The following HDAC5 variants were observed in gnomAD, a reference collection of about 807,000 sequenced individuals.
HDAC5 encodes the protein antigen NY-CO-9.
In HDAC5, 25 loss-of-function variants were observed where a neutral mutation model predicts 133.3. That is an observed-to-expected ratio of 0.19 (90% CI 0.14 to 0.26). The LOEUF (loss-of-function observed/expected upper bound fraction) is 0.26, where lower values mean the gene tolerates loss of function less well. Ranked by LOEUF, HDAC5 falls within the 10% of genes least tolerant of loss-of-function variation. HDAC5 has a pLI of 1.00. For synonymous variants in HDAC5, 589 were observed against 610.8 expected (o/e 0.96, Z 0.53); for missense variants, 1,041 against 1,460.5 (o/e 0.71, Z 4.68).
chr17:44,097,463 G>A (rs1035755228), intron 3 of HDAC5, among the ~76,000 whole-genome samples: 11 of 149,918 alleles, frequency 7.3e-5, no homozygotes, highest in Admixed American at 2.0e-4. Flanking sequence ...TCCTGCCCCA[G>A]CACCAGGAGA....
At chr17:44,093,976 T>A in intron 3 of HDAC5, 142 bp from the exon 4 acceptor site, 2 of 1,095,620 alleles carry the variant, frequency 1.8e-6, no homozygotes, top group Non-Finnish European at 2.4e-6. Flanking sequence ...CTCTGCTCCA[T>A]GGATGCAACA....
intron 11 of HDAC5, among the ~76,000 whole-genome samples, chr17:44,088,852 G>A (rs1170113682): frequency 6.6e-6 from 1 of 151,986 alleles, no homozygotes; most frequent in Non-Finnish European, 1.5e-5. Flanking sequence ...TTTTCCCTTC[G>A]ATTTCCTTAA....
In HDAC5 at chr17:44,091,839, G is replaced by A. The variant is rs773286792; in HGVS notation, c.1033-8C>T. On this transcript the variant is annotated splice_polypyrimidine_tract_variant and splice_region_variant and intron_variant, in intron 9 of 26. Transcript: ENST00000682912. Reference sequence around the variant, plus strand: ...TCGGTGCTGAGGGAGCATCTGGGGAGCAGTCAGAAGAGACAGGCATGAGAG... The same window carrying A: ...TCGGTGCTGAGGGAGCATCTGGGGAACAGTCAGAAGAGACAGGCATGAGAG... The A allele has an allele frequency of 6.5e-7, 1 of 1,542,414 alleles. No homozygotes were observed. The highest frequency in any genetic ancestry group is 8.7e-7 in the Non-Finnish European group (1 of 1,146,758).
At chr17:44,109,054 C>T (rs228765) in intron 3 of HDAC5, among the ~76,000 whole-genome samples, 100,243 of 151,928 alleles carry the variant, frequency 0.66, 34,648 homozygotes, top group South Asian at 0.88. Flanking sequence ...AGGGTCCCAG[C>T]CTGCAAGGTT....
chr17:44,086,803 GTCA>G, intron 13 of HDAC5, 66 bp from the exon 14 acceptor site: 1 of 1,212,202 alleles, frequency 8.2e-7, no homozygotes, highest in Non-Finnish European at 1.0e-6. Flanking sequence ...GGCAGGCCCT[GTCA>G]GGGCCTCCAG....
intron 17 of HDAC5, 35 bp downstream of exon 17, chr17:44,083,770 G>GCC: frequency 7.1e-7 from 1 of 1,417,202 alleles, no homozygotes; most frequent in Non-Finnish European, 1.0e-6. Flanking sequence ...TAGGAGAGCC[G>GCC]CCCGCCCACC....
chr17:44,087,923 A>T (rs2050747449), intron 12 of HDAC5, among the ~76,000 whole-genome samples: 1 of 151,710 alleles, frequency 6.6e-6, no homozygotes, highest in Non-Finnish European at 1.5e-5. Flanking sequence ...GGCTCACTGC[A>T]ACCTCCGCCT....
At chr17:44,080,949 G>C in intron 20 of HDAC5, 67 bp from the exon 21 acceptor site, 2 of 1,603,842 alleles carry the variant, frequency 1.2e-6, no homozygotes, top group Admixed American at 3.3e-5. Context: ...AATTCCACCT[G>C]TCAGCTGAGC....
chr17:44,111,082 G>A (rs763735159), intron 2 of HDAC5: 7 of 481,954 alleles, frequency 1.5e-5, no homozygotes, highest in Middle Eastern at 3.2e-4. Flanking sequence ...AGGGGCATCC[G>A]ACCACCAGCC....
At position 44,088,306 on chromosome 17, in the gene HDAC5, G is replaced by A. The variant is rs566284849; in HGVS notation, c.1599+81C>T. The A allele has an allele frequency of 1.2e-5, 18 of 1,496,320 alleles. No homozygotes were observed. In the African/African-American group the frequency reaches 1.7e-4, roughly 14 times the overall value. The allele number at this position is 1,496,320 out of a possible 1,614,324, so 92.7% of individuals were successfully genotyped here. A position where few individuals can be genotyped will look rare whatever the true frequency, so the allele number is the denominator to read the frequency against. On this transcript the variant is annotated intron_variant, in intron 12 of 26. Transcript: ENST00000682912. ...GCGAGCCACCGTGTCTGGCCTGAAA[G>A]GAGGACTTTTCTGCCAGCCTGGTAC...
rs778150307 is a variant in HDAC5 at position 44,078,545 on chromosome 17, C to T, written c.3284G>A (p.Gly1095Glu). The T allele has an allele frequency of 1.2e-6, 2 of 1,612,218 alleles. No individual in the cohort carries two copies. Among genetic ancestry groups the T allele is most frequent in the Non-Finnish European group, 8.5e-7 (1 of 1,179,822 alleles). ...TVSAMALLSV[G>E]AEQAQAAAAR... is the part of the protein sequence containing the mutation. ...TGCCGCAGCCTGGGCCTGCTCGGCCCCCACCGACAGCAAGGCCATGGCGCT... is the reference window on the plus strand; with the variant it reads ...TGCCGCAGCCTGGGCCTGCTCGGCCTCCACCGACAGCAAGGCCATGGCGCT... The change falls in exon 26 of 27, where the codon GGG becomes GAG. Residue 1095 changes from glycine (G) to glutamate (E), a missense_variant. Transcript: ENST00000682912.
In HDAC5 at chr17:44,117,690, C is replaced by T. The variant is rs2052733380; in HGVS notation, c.-175G>A. ...TCCTTCGGGGCGAGGCAGTCAGGCACTCAGAACGGCATCCCTGGGGAGAGA... is the reference window on the plus strand; with the variant it reads ...TCCTTCGGGGCGAGGCAGTCAGGCATTCAGAACGGCATCCCTGGGGAGAGA... On this transcript the variant is annotated 5_prime_UTR_variant, in exon 2 of 27. It adds an upstream start codon to the 5' untranslated region. Transcript: ENST00000682912. This position sits in a 1 kb window ranked among gnomAD's most constrained non-coding sequence, Gnocchi z 4.2. 1.5e-6 allele frequency: 1 copy of T among 673,942 alleles called. No individual in the cohort carries two copies. Among genetic ancestry groups the T allele is most frequent in the Admixed American group, 2.2e-5 (1 of 45,976 alleles). 41.7% of individuals were successfully genotyped at this position (673,942 alleles called of 1,614,324 possible).
chr17:44,087,092 C>T (rs2050695986), intron 13 of HDAC5, among the ~76,000 whole-genome samples: 1 of 151,390 alleles, frequency 6.6e-6, no homozygotes, highest in African/African-American at 2.4e-5. Flanking sequence ...ACAGCGGGGG[C>T]GTGTGTGTAC....
In HDAC5 at chr17:44,079,190, A is replaced by G; in HGVS notation, c.3032T>C (p.Ile1011Thr). 6.2e-7 allele frequency: 1 copy of G among 1,612,970 alleles called. No homozygotes were observed. The highest frequency in any genetic ancestry group is 8.5e-7 in the Non-Finnish European group (1 of 1,179,070). The change falls in exon 24 of 27, where the codon ATC (isoleucine) becomes ACC (threonine). Residue 1011 changes from isoleucine to threonine, a missense_variant. By Grantham distance (89) the Ile-to-Thr change is moderately conservative. This residue lies in a region of HDAC5 where 174 missense variants were observed against 352.7 expected (regional missense o/e 0.49). Coordinates refer to ENST00000682912, the MANE Select transcript of HDAC5 (RefSeq NM_005474.5). The stretch of plus-strand genomic sequence containing the variant: ...GACACAAGCCTCAGAGGCATCACAG[A>G]TGGCGGTCAAGTCATGGCCTCCCTC... Reference protein sequence around the residue: ...ALEGGHDLTAICDASEACVSA... With the variant: ...ALEGGHDLTATCDASEACVSA...
intron 3 of HDAC5, among the ~76,000 whole-genome samples, chr17:44,094,767 TACAC>T (rs888637064): frequency 6.6e-6 from 1 of 151,776 alleles, no homozygotes; most frequent in Non-Finnish European, 1.5e-5. Context: ...TATATATATA[TACAC>T]ACACACATAC....
chr17:44,097,144 G>C (rs763808767), intron 3 of HDAC5, among the ~76,000 whole-genome samples: 3 of 152,264 alleles, frequency 2.0e-5, no homozygotes, highest in Admixed American at 6.5e-5. Context: ...GCACTGAATG[G>C]GTGTCACCAA....
At position 44,083,573 on chromosome 17, in the gene HDAC5, G is replaced by A. The variant is rs1308573777; in HGVS notation, c.2435C>T (p.Ala812Val). 1 of 1,613,908 alleles carries A rather than the reference G, an allele frequency of 6.2e-7. No individual in the cohort carries two copies. Among genetic ancestry groups the A allele is most frequent in the South Asian group, 1.1e-5 (1 of 91,032 alleles). The change falls in exon 18 of 27, where the codon GCC becomes GTC. Residue 812 changes from alanine to valine, a missense_variant. Physicochemically the swap from Ala to Val is moderately conservative, Grantham distance 64. This residue lies in a region of HDAC5 where 174 missense variants were observed against 352.7 expected (regional missense o/e 0.49). Coordinates refer to ENST00000682912, the MANE Select transcript of HDAC5 (RefSeq NM_005474.5). ...GAGCTCTCCTGCAGCCACCTTGAAG[G>A]CCAGCTCCAGCAGGCAGCCCACTGC... ...RMAVGCLLEL[A>V]FKVAAGELKN...
intron 11 of HDAC5, among the ~76,000 whole-genome samples, chr17:44,090,957 G>A (rs1326645314): frequency 6.6e-6 from 1 of 152,192 alleles, no homozygotes; most frequent in Non-Finnish European, 1.5e-5. Flanking sequence ...CCAAAGTGCT[G>A]GGATTTCAGG....
Position 44,080,091 on chromosome 17 carries a change from C to G in HDAC5, c.2944+16G>C, listed in dbSNP as rs201410824. 1.1e-5 allele frequency: 17 copies of G among 1,555,940 alleles called. No individual in the cohort carries two copies. The highest frequency in any genetic ancestry group is 1.5e-5 in the Non-Finnish European group (17 of 1,128,292). ...TCACTGTTTCACTTCCTCCCTCAAT[C>G]CCCCAGCAGGCTTACATCTGGCGGT... On this transcript the variant is annotated intron_variant, in intron 23 of 26. Coordinates refer to ENST00000682912, the MANE Select transcript of HDAC5 (RefSeq NM_005474.5).
Sources: allele counts gnomAD v4.1 joint callset (sites outside exome capture counted in the v4.1 genomes callset), GRCh38; gene constraint gnomAD v4.1.1; regional missense constraint gnomAD v4.1.1; non-coding constraint Gnocchi (gnomAD v3.1); transcripts MANE v1.5; gene names NCBI Gene and HGNC (gene_info 2026-07-23, HGNC 2026-07-21).